The following TOGARAM1 variants were observed in gnomAD, a reference collection of about 807,000 sequenced individuals.
TOGARAM1 encodes the protein TOG array regulator of axonemal microtubules 1.
In TOGARAM1, 100 loss-of-function variants were observed where a neutral mutation model predicts 166.6. That is an observed-to-expected ratio of 0.60 (90% CI 0.51 to 0.71). The LOEUF is 0.71. Among genes scored for constraint, TOGARAM1 ranks in the 30% least tolerant of loss-of-function variants. The pLI, the probability that TOGARAM1 is intolerant of heterozygous loss-of-function variation, is 0.00. For synonymous variants in TOGARAM1, 758 were observed against 763.8 expected (o/e 0.99, Z 0.13); for missense variants, 2,029 against 2,102.7 (o/e 0.96, Z 0.69).
At chr14:45,015,685 CA>C (rs945504786) in intron 7 of TOGARAM1, among the ~76,000 whole-genome samples, 4 of 151,400 alleles carry the variant, frequency 2.6e-5, no homozygotes, top group African/African-American at 7.3e-5. Flanking sequence ...ATCCTAACAA[CA>C]GATGTAGAAG....
At chr14:45,026,598 T>C (rs546240570) in intron 8 of TOGARAM1, among the ~76,000 whole-genome samples, 1 of 152,208 alleles carries the variant, frequency 6.6e-6, no homozygotes, top group Non-Finnish European at 1.5e-5. Context: ...CAACTCTGCA[T>C]GTAAACATCC....
At chr14:44,998,448 C>G (rs1046283859) in intron 2 of TOGARAM1, among the ~76,000 whole-genome samples, 5 of 152,200 alleles carry the variant, frequency 3.3e-5, no homozygotes, top group African/African-American at 1.2e-4. Flanking sequence ...GGCGCTGTGG[C>G]TCACGCCTGT....
chr14:45,071,881 C>G (rs1566680816), intron 19 of TOGARAM1, 83 bp downstream of exon 19: 1 of 1,029,166 alleles, frequency 9.7e-7, no homozygotes, highest in Non-Finnish European at 1.4e-6. Context: ...TTTAGGATAG[C>G]TACCAACTTA....
rs1183230475 is a variant in TOGARAM1, at chr14:45,028,196, A to C, written c.3525A>C (p.Lys1175Asn). Reference sequence around the variant, plus strand: ...TGCAGGCTAAAGTTTCTATTTCTAAATCTACTTATAACAAGATGAGACAAA... The same window carrying C: ...TGCAGGCTAAAGTTTCTATTTCTAACTCTACTTATAACAAGATGAGACAAA... ...NEKDAKVSIS[K>N]STYNKMRQKR... The change falls in exon 10 of 20, where the codon AAA (lysine) becomes AAC (asparagine). Residue 1175 changes from lysine (K) to asparagine (N), a missense_variant. Lys to Asn is a moderately conservative substitution (Grantham distance 94). Around this residue, in one of 2 missense-constraint regions of TOGARAM1, gnomAD observed 1,453 missense variants for 1,432.2 expected, o/e 1.01. Transcript: ENST00000361462. The C allele has an allele frequency of 5.7e-6, 9 of 1,575,118 alleles. No individual in the cohort carries two copies. The highest frequency in any genetic ancestry group is 7.7e-6 in the Non-Finnish European group (9 of 1,168,716).
At position 44,999,422 on chromosome 14, in the gene TOGARAM1, C is replaced by T; in HGVS notation, c.2263C>T (p.Gln755Ter). ...SGKCAQLGFS[Q>*]ICGKTGSVGS... The stretch of plus-strand genomic sequence containing the variant: ...GAAATGTGCACAACTTGGATTTTCA[C>T]AAATATGTGGTAAAACTGGCAGTGT... The change falls in exon 3 of 20, where the codon CAA (glutamine) becomes TAA (stop). Residue 755 changes from glutamine (Q) to a stop codon, truncating the protein, a stop_gained. Coordinates refer to ENST00000361462, the MANE Select transcript of TOGARAM1 (RefSeq NM_001308120.2). LOFTEE classifies it high-confidence loss of function. 1 of 1,611,022 alleles carries T rather than the reference C, an allele frequency of 6.2e-7. No individual in the cohort carries two copies. Among genetic ancestry groups the T allele is most frequent in the South Asian group, 1.1e-5 (1 of 90,510 alleles).
intron 1 of TOGARAM1, chr14:44,995,485 C>G (rs1250919423): frequency 2.0e-6 from 1 of 495,652 alleles, no homozygotes; most frequent in African/African-American, 1.9e-5. Context: ...TCCTTGTTGC[C>G]AGAGTCTGCT....
intron 10 of TOGARAM1, among the ~76,000 whole-genome samples, chr14:45,030,309 G>C (rs1218333713): frequency 6.6e-6 from 1 of 152,124 alleles, no homozygotes; most frequent in Non-Finnish European, 1.5e-5. Context: ...TTTCTAATGA[G>C]TTATTGTTTC....
intron 11 of TOGARAM1, among the ~76,000 whole-genome samples, chr14:45,039,013 G>A (rs766431043): frequency 2.0e-5 from 3 of 151,106 alleles, no homozygotes; most frequent in African/African-American, 2.4e-5. Flanking sequence ...ATCCACAGGC[G>A]GGTCATCCTG....
At chr14:45,018,996 A>G (rs2138881326) in intron 7 of TOGARAM1, among the ~76,000 whole-genome samples, 1 of 152,342 alleles carries the variant, frequency 6.6e-6, no homozygotes, top group African/African-American at 2.4e-5. Context: ...ATTACATCAC[A>G]TTCGCACATC....
At chr14:45,047,603 A>T (rs10132696) in intron 14 of TOGARAM1, among the ~76,000 whole-genome samples, 2 of 152,058 alleles carry the variant, frequency 1.3e-5, no homozygotes, top group Admixed American at 1.3e-4. Context: ...AGAAATTTTC[A>T]ATGTAGTCAG....
At chr14:45,069,378 T>C (rs1283603390) in intron 18 of TOGARAM1, among the ~76,000 whole-genome samples, 1 of 150,322 alleles carries the variant, frequency 6.7e-6, no homozygotes, top group Admixed American at 6.6e-5. Context: ...CAAAAAATTT[T>C]AAAAAATTAA....
At chr14:45,012,992 C>A (rs1030686880) in intron 7 of TOGARAM1, among the ~76,000 whole-genome samples, 7 of 152,166 alleles carry the variant, frequency 4.6e-5, no homozygotes, top group African/African-American at 1.7e-4. Context: ...ACTATACTGG[C>A]CAGCCTGAAT....
intron 11 of TOGARAM1, among the ~76,000 whole-genome samples, chr14:45,038,633 AG>A (rs1881562865): frequency 6.6e-6 from 1 of 152,224 alleles, no homozygotes; most frequent in Admixed American, 6.5e-5. Context: ...AGAGTATCAC[AG>A]CCCTTGCTTG....
At chr14:45,034,145 A>G (rs1488452325) in intron 11 of TOGARAM1, among the ~76,000 whole-genome samples, 1 of 152,200 alleles carries the variant, frequency 6.6e-6, no homozygotes, top group Non-Finnish European at 1.5e-5. Context: ...TGACAGAGTG[A>G]GACTCCATCT....
At position 45,073,642 on chromosome 14, in the gene TOGARAM1, G is replaced by A; in HGVS notation, c.*81G>A. 7.5e-7 allele frequency: 1 copy of A among 1,329,960 alleles called. No homozygotes were observed. Among genetic ancestry groups the A allele is most frequent in the Non-Finnish European group, 1.0e-6 (1 of 980,854 alleles). The allele number at this position is 1,329,960 out of a possible 1,614,324, so 82.4% of individuals were successfully genotyped here. Reference sequence around the variant, plus strand: ...ACTTTCTAAAAGTTATGTTATCAGTGCCTGCACTTCACATCCAGCAAATTA... The same window carrying A: ...ACTTTCTAAAAGTTATGTTATCAGTACCTGCACTTCACATCCAGCAAATTA... On this transcript the variant is annotated 3_prime_UTR_variant, in exon 20 of 20. Transcript: ENST00000361462.
chr14:45,046,585 T>G lies in TOGARAM1; in HGVS notation c.4195T>G (p.Leu1399Val). ...TGTAAGAAGGTGTACAGCCCAGCAT[T>G]TATCAGATGTATTGGAATTTATGGA... is the stretch of plus-strand genomic sequence containing the variant. Reference protein sequence around the residue: ...IAVRRCTAQHLSDVLEFMEPE... With the variant: ...IAVRRCTAQHVSDVLEFMEPE... Residue 1399 changes from leucine (L) to valine (V), a missense_variant, in exon 14 of 20, where the codon TTA becomes GTA. Physicochemically the swap from Leu to Val is conservative, Grantham distance 32. Transcript: ENST00000361462. 3 of 1,393,014 alleles carry G rather than the reference T, an allele frequency of 2.2e-6. No homozygotes were observed. Among genetic ancestry groups the G allele is most frequent in the Non-Finnish European group, 2.8e-6 (3 of 1,066,664 alleles). The allele number at this position is 1,393,014 out of a possible 1,614,324, so 86.3% of individuals were successfully genotyped here.
chr14:44,968,303 A>G (rs1045934210), intron 1 of TOGARAM1, among the ~76,000 whole-genome samples: 3 of 152,228 alleles, frequency 2.0e-5, no homozygotes, highest in Non-Finnish European at 4.4e-5. Context: ...TCTGTCGCCC[A>G]GGCTGGAGTG....
intron 1 of TOGARAM1, among the ~76,000 whole-genome samples, chr14:44,970,176 G>C (rs1165006939): frequency 1.3e-5 from 2 of 152,162 alleles, no homozygotes; most frequent in Non-Finnish European, 2.9e-5. Context: ...CACAAACATG[G>C]ATTATCTCTT....
intron 2 of TOGARAM1, among the ~76,000 whole-genome samples, chr14:44,998,144 T>C (rs1887521729): frequency 6.6e-6 from 1 of 152,214 alleles, no homozygotes; most frequent in African/African-American, 2.4e-5. Context: ...GCATAATGAC[T>C]GCATAGTTTA....
Sources: allele counts gnomAD v4.1 joint callset (sites outside exome capture counted in the v4.1 genomes callset), GRCh38; gene constraint gnomAD v4.1.1; regional missense constraint gnomAD v4.1.1; transcripts MANE v1.5; gene names NCBI Gene and HGNC (gene_info 2026-07-23, HGNC 2026-07-21).